SETDB2: variants seen among roughly 807,000 people sequenced by gnomAD.
SETDB2 encodes the protein histone-lysine N-methyltransferase SETDB2.
In SETDB2, 56 loss-of-function variants were observed where a neutral mutation model predicts 82.5. The observed-to-expected ratio is 0.68, with a 90% CI of 0.55 to 0.85. SETDB2 has a LOEUF of 0.85. SETDB2 is among the 40% of genes least tolerant of loss of function. The probability of loss-of-function intolerance (pLI) is 0.00; values close to 1 mark genes in which losing one functional copy is unlikely to be tolerated. For synonymous variants in SETDB2, 272 were observed against 284.9 expected, an observed-to-expected ratio of 0.95 and a Z score of 0.46; for missense variants, 677 against 816.4, an observed-to-expected ratio of 0.83 and a Z score of 2.08.
chr13:49,455,352 C>T (rs1957863510), intron 2 of SETDB2, among the ~76,000 whole-genome samples: 1 of 152,106 alleles, frequency 6.6e-6, no homozygotes, highest in Non-Finnish European at 1.5e-5. Context: ...TCTGACATAT[C>T]ATTGAGTATT....
rs541601793 is a variant in SETDB2 at position 49,484,635 on chromosome 13, AT to A, written c.1483-991del. Among the ~76,000 whole-genome samples the A allele has an allele frequency of 3.9e-5, 6 of 152,334 alleles. No individual in the cohort carries two copies. In the East Asian group the frequency reaches 1.2e-3, roughly 29 times the overall value. ...ATGAAAGAATCATCCAGAAAACAGT[AT>A]TTTATGTGGTAGCCTCTGAGGGTAC... On this transcript the variant is annotated intron_variant, in intron 10 of 13. Transcript: ENST00000611815.
intron 11 of SETDB2, among the ~76,000 whole-genome samples, chr13:49,486,310 A>AT (rs1555273626): frequency 1.1e-3 from 164 of 151,994 alleles, no homozygotes; most frequent in African/African-American, 3.8e-3. Flanking sequence ...TCTCAAAAAA[A>AT]AAAATAAAAT....
chr13:49,477,080 T>A, intron 6 of SETDB2, 41 bp downstream of exon 6: 1 of 1,484,206 alleles, frequency 6.7e-7, no homozygotes, highest in East Asian at 2.3e-5. Context: ...ATCTTCTGAA[T>A]GTAAGGACGC....
intron 11 of SETDB2, among the ~76,000 whole-genome samples, chr13:49,487,982 GATTAA>G (rs1256439740): frequency 6.6e-6 from 1 of 152,164 alleles, no homozygotes; most frequent in African/African-American, 2.4e-5. Flanking sequence ...TATGAGTAGA[GATTAA>G]ATATAATAAT....
intron 1 of SETDB2, chr13:49,446,411 A>G: frequency 2.2e-6 from 1 of 455,176 alleles, no homozygotes; most frequent in Non-Finnish European, 4.4e-6. Context: ...ATGTTCCCTC[A>G]CTCCTCTCCC....
intron 4 of SETDB2, among the ~76,000 whole-genome samples, chr13:49,463,094 C>A (rs902436002): frequency 1.3e-5 from 2 of 152,178 alleles, no homozygotes; most frequent in Admixed American, 6.5e-5. Context: ...CAACCTCCCC[C>A]TCCCAGGTTC....
chr13:49,482,993 T>C lies in SETDB2; in HGVS notation c.1382+31T>C, dbSNP rs1398586265. On this transcript the variant is annotated intron_variant, in intron 9 of 13. Transcript: ENST00000611815. Reference sequence around the variant, plus strand: ...TAACAGCTGAGGAACCCAGAGTAAATCTAAATTATTATCAATCAATTGGTT... The same window carrying C: ...TAACAGCTGAGGAACCCAGAGTAAACCTAAATTATTATCAATCAATTGGTT... 7.0e-6 allele frequency: 9 copies of C among 1,294,570 alleles called. No homozygotes were observed. The African/African-American group carries it at 7.5e-5, about 11-fold the overall frequency. The allele number at this position is 1,294,570 out of a possible 1,614,324, so 80.2% of individuals were successfully genotyped here. A position where few individuals can be genotyped will look rare whatever the true frequency, so the allele number is the denominator to read the frequency against.
intron 4 of SETDB2, among the ~76,000 whole-genome samples, chr13:49,466,180 T>A (rs1158365463): frequency 2.6e-5 from 4 of 152,148 alleles, no homozygotes; most frequent in African/African-American, 9.7e-5. Context: ...AGGCCTATAA[T>A]CCCAGAACCT....
chr13:49,463,933 G>A, intron 4 of SETDB2: 1 of 703,546 alleles, frequency 1.4e-6, no homozygotes, highest in Middle Eastern at 3.6e-4. Flanking sequence ...TGTGCCTATT[G>A]CTGCCTCTGG....
At chr13:49,477,115 T>A in intron 6 of SETDB2, 76 bp downstream of exon 6, 1 of 1,305,616 alleles carries the variant, frequency 7.7e-7, no homozygotes, top group Non-Finnish European at 1.0e-6. Context: ...TGCTATGTAT[T>A]AATTTGTCTA....
chr13:49,489,741 G>T (rs1445274900), intron 12 of SETDB2, among the ~76,000 whole-genome samples: 1 of 150,174 alleles, frequency 6.7e-6, no homozygotes, highest in East Asian at 2.0e-4. Flanking sequence ...GATTACAGGT[G>T]TGCACCACCA....
At position 49,485,741 on chromosome 13, in the gene SETDB2, T is replaced by C. The variant is rs773924703; in HGVS notation, c.1576+18T>C. ...AGCACAAAGTAGGCTTTGTTTCTTC[T>C]GTGAATGCCTACCTCTTCTGCCTGT... On this transcript the variant is annotated intron_variant, in intron 11 of 13. Coordinates refer to ENST00000611815, the MANE Select transcript of SETDB2 (RefSeq NM_001160308.3). 1.0e-5 allele frequency: 16 copies of C among 1,579,038 alleles called. No homozygotes were observed. The South Asian group carries it at 1.7e-4, about 16-fold the overall frequency.
At chr13:49,471,933 TA>T (rs1276643092) in intron 5 of SETDB2, among the ~76,000 whole-genome samples, 1,140 of 69,284 alleles carry the variant, frequency 0.016, 8 homozygotes, top group Middle Eastern at 0.033. Flanking sequence ...TATATATATA[TA>T]TTTTTTTTTT....
At position 49,491,735 on chromosome 13, in the gene SETDB2, T is replaced by C. The variant is rs749399831; in HGVS notation, c.2010T>C (p.Tyr670=). The C allele has an allele frequency of 4.4e-6, 7 of 1,607,552 alleles. No homozygotes were observed. The East Asian group carries it at 6.7e-5, about 15-fold the overall frequency. ...TTTTCAAATTTCTACTTTCTAGGTATGTGAAAGCAAGAACAGAGCTAACAT... is the reference window on the plus strand; with the variant it reads ...TTTTCAAATTTCTACTTTCTAGGTACGTGAAAGCAAGAACAGAGCTAACAT... ...FPLVAFFTNR[Y]VKARTELTWD... is the part of the protein sequence containing the mutation. Residue 670 remains tyrosine (Y), a synonymous_variant, in exon 14 of 14, where the codon TAT becomes TAC. Coordinates refer to ENST00000611815, the MANE Select transcript of SETDB2 (RefSeq NM_001160308.3).
At chr13:49,472,256 T>A (rs1958265157) in intron 5 of SETDB2, among the ~76,000 whole-genome samples, 1 of 152,088 alleles carries the variant, frequency 6.6e-6, no homozygotes, top group Admixed American at 6.6e-5. Context: ...GAATACAGTA[T>A]ACATTCTTGT....
chr13:49,480,509 G>C (rs1408846898), intron 7 of SETDB2, among the ~76,000 whole-genome samples, 174 bp downstream of exon 7: 1 of 152,186 alleles, frequency 6.6e-6, no homozygotes, highest in Non-Finnish European at 1.5e-5. Context: ...ATGGTAGTCA[G>C]AGACCACACA....
Position 49,485,549 on chromosome 13 carries a change from T to C in SETDB2, c.1483-81T>C, listed in dbSNP as rs1021552900. On this transcript the variant is annotated intron_variant, in intron 10 of 13. Transcript: ENST00000611815. ...TCTAGTACATATAGCCTATGATGATTGACACTTGATGAAAGAGGCCTAACT... is the reference window on the plus strand; with the variant it reads ...TCTAGTACATATAGCCTATGATGATCGACACTTGATGAAAGAGGCCTAACT... 17 of 1,058,004 alleles carry C rather than the reference T, an allele frequency of 1.6e-5. No individual in the cohort carries two copies. The African/African-American group carries it at 2.7e-4, about 17-fold the overall frequency. 65.5% of individuals were successfully genotyped at this position (1,058,004 alleles called of 1,614,324 possible).
chr13:49,469,500 T>C (rs181637671), intron 5 of SETDB2, among the ~76,000 whole-genome samples: 405 of 152,328 alleles, frequency 2.7e-3, no homozygotes, highest in Middle Eastern at 0.01. Flanking sequence ...CTAGTGTTGG[T>C]TGGCCTTTTA....
At chr13:49,478,157 T>A (rs551744595) in intron 6 of SETDB2, among the ~76,000 whole-genome samples, 4 of 152,364 alleles carry the variant, frequency 2.6e-5, no homozygotes, top group Non-Finnish European at 5.9e-5. Context: ...CTATATCTAC[T>A]GTTACCTCAG....
Sources: allele counts gnomAD v4.1 joint callset (sites outside exome capture counted in the v4.1 genomes callset), GRCh38; gene constraint gnomAD v4.1.1; transcripts MANE v1.5; gene names NCBI Gene and HGNC (gene_info 2026-07-23, HGNC 2026-07-21).